HDAC2: variants seen among roughly 807,000 people sequenced by gnomAD.
HDAC2 encodes the protein YY1-associated factor 1.
HDAC2 carries 5 observed loss-of-function variants against 68.5 expected under a neutral mutation model. The observed-to-expected ratio is 0.07, with a 90% confidence interval of 0.04 to 0.15. The LOEUF (loss-of-function observed/expected upper bound fraction) is 0.15. Among genes scored for constraint, HDAC2 ranks in the 10% least tolerant of loss-of-function variants. HDAC2 has a pLI of 1.00. For missense variants in HDAC2, 291 were observed against 600.8 expected, an observed-to-expected ratio of 0.48 and a Z score of 5.39; for synonymous variants, 182 against 191.3, an observed-to-expected ratio of 0.95 and a Z score of 0.40.
intron 7 of HDAC2, 36 bp from the exon 8 acceptor site, chr6:113,949,123 A>T: frequency 1.2e-6 from 2 of 1,609,304 alleles, no homozygotes; most frequent in Non-Finnish European, 8.5e-7. Flanking sequence ...CATCTCCAAT[A>T]ACATTCTGAA....
intron 6 of HDAC2, among the ~76,000 whole-genome samples, chr6:113,951,013 T>A (rs762707271): frequency 6.6e-6 from 1 of 152,196 alleles, no homozygotes; most frequent in Non-Finnish European, 1.5e-5. Context: ...AACTTTACAG[T>A]CCTACTGCAC....
intron 12 of HDAC2, among the ~76,000 whole-genome samples, chr6:113,942,432 T>TTA (rs1776157759): frequency 7.1e-6 from 1 of 141,650 alleles, no homozygotes; most frequent in African/African-American, 2.6e-5. Context: ...CTCTCTAGTT[T>TTA]AAAAAAAAAA....
intron 8 of HDAC2, chr6:113,947,004 T>C (rs1776278449): frequency 1.3e-5 from 2 of 152,180 alleles, no homozygotes; most frequent in African/African-American, 4.8e-5. Flanking sequence ...AGTTTATCTG[T>C]TCTCTTCATG....
intron 5 of HDAC2, among the ~76,000 whole-genome samples, chr6:113,955,754 G>A (rs912344830): frequency 6.6e-6 from 1 of 151,820 alleles, no homozygotes; most frequent in Non-Finnish European, 1.5e-5. Context: ...CAAGAGATCC[G>A]CCCACCTCAG....
intron 1 of HDAC2, chr6:113,969,942 G>T (rs1562152338): frequency 6.6e-6 from 1 of 152,260 alleles, no homozygotes; most frequent in East Asian, 1.9e-4. Context: ...ATCGAACAAA[G>T]AGCAACAAAG....
chr6:113,960,149 G>C (rs1776646419), intron 1 of HDAC2, 131 bp from the exon 2 acceptor site: 2 of 646,762 alleles, frequency 3.1e-6, no homozygotes, highest in African/African-American at 3.7e-5. Flanking sequence ...TAGCAACTTA[G>C]ATTTATTTTG....
chr6:113,958,758 A>T lies in HDAC2; in HGVS notation c.174T>A (p.His58Gln), dbSNP rs76588344. 1 of 1,577,366 alleles carries T rather than the reference A, an allele frequency of 6.3e-7. No individual in the cohort carries two copies. Among genetic ancestry groups the T allele is most frequent in the Non-Finnish European group, 8.7e-7 (1 of 1,147,310 alleles). ...TTGTCATTTCTTCGGCAGTGGCTTTATGGGGCCTCTGTGAAGAGAAATAAA... is the reference window on the plus strand; with the variant it reads ...TTGTCATTTCTTCGGCAGTGGCTTTTTGGGGCCTCTGTGAAGAGAAATAAA... ...LYRKMEIYRP[H>Q]KATAEEMTKY... Residue 58 changes from histidine to glutamine, a missense_variant, in exon 3 of 14, where the codon CAT becomes CAA. Physicochemically the swap from His to Gln is conservative, Grantham distance 24. Coordinates refer to ENST00000519065, the MANE Select transcript of HDAC2 (RefSeq NM_001527.4).
intron 1 of HDAC2, chr6:113,968,295 T>C (rs549734532): frequency 6.6e-6 from 1 of 152,298 alleles, no homozygotes; most frequent in South Asian, 2.1e-4. Context: ...TTACTACAGA[T>C]ATAACCCATT....
In HDAC2 at chr6:113,937,066, AC is replaced by A. The variant is rs780344871; in HGVS notation, c.*3991del. On this transcript the variant is annotated 3_prime_UTR_variant, in exon 14 of 14. Coordinates refer to ENST00000519065, the MANE Select transcript of HDAC2 (RefSeq NM_001527.4). ...GTTATTAACTCAATCCTCACAACAA[AC>A]CTATTAAGTAGGGACTATTATTTTC... The A allele has an allele frequency of 1.3e-5, 2 of 152,046 alleles. No individual in the cohort carries two copies. Among genetic ancestry groups the A allele is most frequent in the East Asian group, 1.9e-4 (1 of 5,188 alleles). The allele number at this position is 152,046 out of a possible 1,614,324, so 9.4% of individuals were successfully genotyped here. A position where few individuals can be genotyped will look rare whatever the true frequency, so the allele number is the denominator to read the frequency against.
At chr6:113,961,386 C>T (rs1403746019) in intron 1 of HDAC2, among the ~76,000 whole-genome samples, 1 of 152,142 alleles carries the variant, frequency 6.6e-6, no homozygotes, top group Non-Finnish European at 1.5e-5. Flanking sequence ...GTTGGTATCA[C>T]ACCTCTAATT....
chr6:113,953,215 A>T, intron 6 of HDAC2, 62 bp downstream of exon 6: 1 of 1,194,566 alleles, frequency 8.4e-7, no homozygotes, highest in South Asian at 1.5e-5. Flanking sequence ...TACTTCAAGT[A>T]TAGGATTACT....
intron 1 of HDAC2, among the ~76,000 whole-genome samples, chr6:113,964,846 C>G (rs1040370066): frequency 6.6e-6 from 1 of 152,168 alleles, no homozygotes; most frequent in Non-Finnish European, 1.5e-5. Context: ...TACCACATAC[C>G]ACCTAACTGC....
intron 6 of HDAC2, among the ~76,000 whole-genome samples, chr6:113,951,920 A>G (rs1776428766): frequency 6.6e-6 from 1 of 152,240 alleles, no homozygotes; most frequent in Admixed American, 6.5e-5. Context: ...CACCTGTCAG[A>G]AATTAAATGA....
At chr6:113,941,528 A>G (rs1316726349) in intron 13 of HDAC2, among the ~76,000 whole-genome samples, 180 bp downstream of exon 13, 1 of 152,146 alleles carries the variant, frequency 6.6e-6, no homozygotes, top group Admixed American at 6.5e-5. Context: ...CTGATAAACC[A>G]ATAGGTAAGA....
At chr6:113,949,609 G>C (rs1776353961) in intron 6 of HDAC2, among the ~76,000 whole-genome samples, 1 of 152,034 alleles carries the variant, frequency 6.6e-6, no homozygotes, top group Non-Finnish European at 1.5e-5. Flanking sequence ...AGATGACAAG[G>C]CAACTTTATG....
chr6:113,966,314 C>A (rs563097583), intron 1 of HDAC2, among the ~76,000 whole-genome samples: 2 of 152,240 alleles, frequency 1.3e-5, no homozygotes, highest in African/African-American at 4.8e-5. Context: ...CTTAGGGAGG[C>A]TGAGGTGGGT....
intron 6 of HDAC2, among the ~76,000 whole-genome samples, chr6:113,952,708 C>T (rs1776448837): frequency 6.6e-6 from 1 of 152,008 alleles, no homozygotes; most frequent in South Asian, 2.1e-4. Flanking sequence ...TTTTCAGAGT[C>T]ATAAAAGACA....
rs1013042623 is a variant in HDAC2, at chr6:113,958,633, T to C, written c.283+16A>G. 3.2e-6 allele frequency: 4 copies of C among 1,262,972 alleles called. No individual in the cohort carries two copies. Among genetic ancestry groups the C allele is most frequent in the Non-Finnish European group, 4.5e-6 (4 of 879,742 alleles). 78.2% of individuals were successfully genotyped at this position (1,262,972 alleles called of 1,614,324 possible). On this transcript the variant is annotated intron_variant, in intron 3 of 13. Transcript: ENST00000519065. ...ACATTTATCAAAGCAAAACTACTTT[T>C]TACTTAGAAACGTACATCTCTGCAT...
chr6:113,942,108 G>C (rs905739970), intron 12 of HDAC2, among the ~76,000 whole-genome samples: 1 of 152,004 alleles, frequency 6.6e-6, no homozygotes, highest in Non-Finnish European at 1.5e-5. Context: ...TCACCAAATA[G>C]AGAGTTTATT....
Sources: allele counts gnomAD v4.1 joint callset (sites outside exome capture counted in the v4.1 genomes callset), GRCh38; gene constraint gnomAD v4.1.1; transcripts MANE v1.5; gene names NCBI Gene and HGNC (gene_info 2026-07-23, HGNC 2026-07-21).